Variants in SLX9 observed in about 807,000 individuals in gnomAD.
SLX9 encodes the protein SLX9 ribosome biogenesis factor.
Under a neutral mutation model 20.8 loss-of-function variants are expected in SLX9, and 19 were observed. The ratio of observed to expected loss-of-function variants is 0.91; its 90% CI spans 0.64 to 1.34. SLX9 has a LOEUF of 1.34. Among genes scored for constraint, SLX9 ranks in the 40% most tolerant of loss-of-function variants. SLX9 has a pLI of 0.00. For synonymous variants in SLX9, 113 were observed against 137.1 expected (o/e 0.82, Z 1.23); for missense variants, 299 against 322.2 (o/e 0.93, Z 0.55).
At chr21:44,972,322 G>A (rs983676754) in intron 4 of SLX9, among the ~76,000 whole-genome samples, 5 of 152,204 alleles carry the variant, frequency 3.3e-5, no homozygotes, top group Non-Finnish European at 7.4e-5. Flanking sequence ...ACCACAAGGA[G>A]TGCAGGCGAG....
At chr21:44,952,011 C>T (rs1349363239) in intron 2 of SLX9, among the ~76,000 whole-genome samples, 1 of 147,626 alleles carries the variant, frequency 6.8e-6, no homozygotes. Context: ...GTACACGTGT[C>T]GTGGGCACAG....
rs574660586 is a variant in SLX9, at chr21:44,950,863, G to C, written c.283+7026G>C. Among the ~76,000 whole-genome samples the C allele has an allele frequency of 2.6e-5, 4 of 152,268 alleles. No individual in the cohort carries two copies. In the East Asian group the frequency reaches 7.7e-4, roughly 29 times the overall value. On this transcript the variant is annotated intron_variant, in intron 2 of 5. Coordinates refer to ENST00000291634, the MANE Select transcript of SLX9 (RefSeq NM_058190.4). ...CTTCATCTGCGAAAGGGGGGTGTCGGGGGGCTGCTGTAGAACTGCTGTGGG... is the reference window on the plus strand; with the variant it reads ...CTTCATCTGCGAAAGGGGGGTGTCGCGGGGCTGCTGTAGAACTGCTGTGGG...
intron 2 of SLX9, among the ~76,000 whole-genome samples, chr21:44,944,430 C>A (rs73906957): frequency 0.024 from 3,723 of 152,234 alleles, 166 homozygotes; most frequent in African/African-American, 0.086. Context: ...CAGGGAACGC[C>A]GTCCCCCTGC....
chr21:44,940,690 CT>C (rs2084528708), intron 1 of SLX9, among the ~76,000 whole-genome samples: 1 of 110,430 alleles, frequency 9.1e-6, no homozygotes, highest in South Asian at 3.2e-4. Flanking sequence ...TTTTTTTTGG[CT>C]TTTGCCTTAA....
chr21:44,956,682 C>T (rs1032364986), intron 2 of SLX9, among the ~76,000 whole-genome samples: 1 of 152,220 alleles, frequency 6.6e-6, no homozygotes. Context: ...ATGGCGTGCA[C>T]GGAAAAGCCG....
chr21:44,975,649 T>C (rs563981773), intron 5 of SLX9, among the ~76,000 whole-genome samples: 1 of 152,392 alleles, frequency 6.6e-6, no homozygotes, highest in African/African-American at 2.4e-5. Flanking sequence ...GGGGCCTTGT[T>C]GGGTCCTGGT....
chr21:44,970,772 C>CCTT (rs1384992434), intron 4 of SLX9, among the ~76,000 whole-genome samples: 1 of 152,218 alleles, frequency 6.6e-6, no homozygotes, highest in Non-Finnish European at 1.5e-5. Context: ...TCACTTCTCC[C>CCTT]CTTCCCACCT....
At chr21:44,971,194 C>A (rs55835776) in intron 4 of SLX9, among the ~76,000 whole-genome samples, 14 of 44,040 alleles carry the variant, frequency 3.2e-4, no homozygotes, top group Admixed American at 6.6e-4. Context: ...GTGGTGACGC[C>A]GCTGCTCCTG....
At chr21:44,966,581 A>G (rs2085039591) in intron 3 of SLX9, among the ~76,000 whole-genome samples, 1 of 151,884 alleles carries the variant, frequency 6.6e-6, no homozygotes, top group African/African-American at 2.4e-5. Flanking sequence ...CCAAGCCCTC[A>G]GGTCTGTCCT....
intron 2 of SLX9, among the ~76,000 whole-genome samples, chr21:44,958,578 C>T (rs553026101): frequency 9.6e-4 from 146 of 152,344 alleles, no homozygotes; most frequent in Middle Eastern, 6.8e-3. Flanking sequence ...CCCGCGGCAC[C>T]GACTGGATCT....
chr21:44,967,634 T>G (rs1272492600), intron 4 of SLX9, among the ~76,000 whole-genome samples: 1 of 152,176 alleles, frequency 6.6e-6, no homozygotes, highest in Non-Finnish European at 1.5e-5. Context: ...TGAGTGGACC[T>G]TTCCCTGATG....
chr21:44,959,813 G>A (rs1457059782), intron 2 of SLX9, among the ~76,000 whole-genome samples: 1 of 152,240 alleles, frequency 6.6e-6, no homozygotes. Context: ...CATGAGTGGG[G>A]AGGAGGCCTC....
chr21:44,973,127 AGCC>A lies in SLX9; in HGVS notation c.501-69_501-67del, dbSNP rs2085187185. On this transcript the variant is annotated intron_variant, in intron 4 of 5. Transcript: ENST00000291634. ...CGTCTGCTCTAAGAAGGGAGGAGCCAGCCTCTGCCCACGGGAAGGTGTTTAGGG... is the reference window on the plus strand; with the variant it reads ...CGTCTGCTCTAAGAAGGGAGGAGCCATCTGCCCACGGGAAGGTGTTTAGGG... 6 of 1,566,076 alleles carry A rather than the reference AGCC, an allele frequency of 3.8e-6. No homozygotes were observed. The South Asian group carries it at 5.6e-5, about 15-fold the overall frequency.
At chr21:44,970,195 G>T (rs1285707170) in intron 4 of SLX9, among the ~76,000 whole-genome samples, 1 of 152,228 alleles carries the variant, frequency 6.6e-6, no homozygotes, top group African/African-American at 2.4e-5. Context: ...ACACAGCAGT[G>T]ACAGAGACTG....
At chr21:44,959,992 T>TG (rs1209166961) in intron 2 of SLX9, 108 bp from the exon 3 acceptor site, 1 of 943,506 alleles carries the variant, frequency 1.1e-6, no homozygotes, top group Non-Finnish European at 1.7e-6. Flanking sequence ...CCAGACCAGT[T>TG]GCAGTGACTG....
At chr21:44,952,919 G>A (rs1411312687) in intron 2 of SLX9, among the ~76,000 whole-genome samples, 1 of 152,218 alleles carries the variant, frequency 6.6e-6, no homozygotes, top group African/African-American at 2.4e-5. Context: ...GGGTGGGAGG[G>A]CAGCTGAGTG....
At chr21:44,965,471 T>A (rs2085017647) in intron 3 of SLX9, among the ~76,000 whole-genome samples, 1 of 152,224 alleles carries the variant, frequency 6.6e-6, no homozygotes, top group Non-Finnish European at 1.5e-5. Flanking sequence ...CCCTGAAATG[T>A]GATACTCACT....
chr21:44,960,009 C>A, intron 2 of SLX9, 91 bp from the exon 3 acceptor site: 1 of 1,119,392 alleles, frequency 8.9e-7, no homozygotes, highest in South Asian at 1.3e-5. Flanking sequence ...ACTGTGGCAG[C>A]TCTGCAGTCA....
intron 4 of SLX9, among the ~76,000 whole-genome samples, chr21:44,969,895 CCT>C (rs993216456): frequency 3.9e-5 from 6 of 152,174 alleles, no homozygotes; most frequent in African/African-American, 9.7e-5. Flanking sequence ...TTCTCAGACT[CCT>C]CTTGGTTTTA....
Sources: allele counts gnomAD v4.1 joint callset (sites outside exome capture counted in the v4.1 genomes callset), GRCh38; gene constraint gnomAD v4.1.1; transcripts MANE v1.5; gene names NCBI Gene and HGNC (gene_info 2026-07-23, HGNC 2026-07-21).